EVI5: variants seen among roughly 807,000 people sequenced by gnomAD.
EVI5 encodes the protein ecotropic viral integration site 5 protein homolog.
EVI5 carries 73 observed loss-of-function variants against 112.0 expected under a neutral mutation model. The ratio of observed to expected loss-of-function variants is 0.65; its 90% CI spans 0.54 to 0.79. The LOEUF is 0.79. EVI5 is among the 30% of genes least tolerant of loss of function. The pLI is 0.00. For missense variants in EVI5, 900 were observed against 968.8 expected, an observed-to-expected ratio of 0.93 and a Z score of 0.94; for synonymous variants, 305 against 319.9, an observed-to-expected ratio of 0.95 and a Z score of 0.50.
rs55898086 is a variant in EVI5 at position 92,551,040 on chromosome 1, C to CTTTTTTTTTTTT, written c.2166+12590_2166+12601dup. On this transcript the variant is annotated intron_variant, in intron 19 of 19. Transcript: ENST00000684568. ...TCTTTTTTCTTTTCTTTCTTTCTTT[C>CTTTTTTTTTTTT]TTTTTTTTTTTTTTTTTTTTGAGAC... Among the ~76,000 whole-genome samples the CTTTTTTTTTTTT allele has an allele frequency of 9.9e-4, 80 of 80,708 alleles. 2 individuals are homozygous for CTTTTTTTTTTTT. Among genetic ancestry groups the CTTTTTTTTTTTT allele is most frequent in the East Asian group, 3.7e-3 (8 of 2,164 alleles). 52.9% of individuals were successfully genotyped at this position (80,708 alleles called of 152,430 possible).
intron 2 of EVI5, among the ~76,000 whole-genome samples, chr1:92,718,854 TA>T (rs1385118958): frequency 6.6e-6 from 1 of 151,970 alleles, no homozygotes; most frequent in Non-Finnish European, 1.5e-5. Context: ...AAAAAAATTA[TA>T]AGAGGGATAT....
chr1:92,788,644 A>G (rs1558266295), upstream of EVI5, among the ~76,000 whole-genome samples: 1 of 151,764 alleles, frequency 6.6e-6, no homozygotes, highest in Non-Finnish European at 1.5e-5. Flanking sequence ...AAATACAGAA[A>G]TTAGCTGGGC....
chr1:92,656,093 T>C (rs1572139476), intron 13 of EVI5, among the ~76,000 whole-genome samples: 2 of 152,130 alleles, frequency 1.3e-5, no homozygotes, highest in East Asian at 3.9e-4. Context: ...CCACAGAATA[T>C]ACATTCTTCT....
intron 19 of EVI5, among the ~76,000 whole-genome samples, chr1:92,551,493 A>G (rs1271658437): frequency 2.6e-5 from 4 of 152,200 alleles, no homozygotes; most frequent in African/African-American, 7.2e-5. Flanking sequence ...CTAAAACCAG[A>G]GTAAGTTCAC....
intron 16 of EVI5, among the ~76,000 whole-genome samples, chr1:92,622,521 A>G (rs924571358): frequency 6.6e-6 from 1 of 152,240 alleles, no homozygotes; most frequent in Non-Finnish European, 1.5e-5. Context: ...GACTTTTCTA[A>G]AAGTCCTTAA....
intron 19 of EVI5, among the ~76,000 whole-genome samples, chr1:92,550,015 T>C (rs1051266683): frequency 9.9e-5 from 15 of 152,212 alleles, no homozygotes; most frequent in Non-Finnish European, 2.2e-4. Flanking sequence ...ACCCAAAGGA[T>C]TAAAAATCAT....
At chr1:92,734,431 C>T (rs1178830917) in intron 2 of EVI5, among the ~76,000 whole-genome samples, 1 of 152,030 alleles carries the variant, frequency 6.6e-6, no homozygotes, top group East Asian at 1.9e-4. Context: ...TCTATTGACA[C>T]CCAGAAAATA....
chr1:92,770,977 G>T (rs1195063614), intron 1 of EVI5, among the ~76,000 whole-genome samples: 2 of 151,156 alleles, frequency 1.3e-5, no homozygotes, highest in Non-Finnish European at 3.0e-5. Context: ...CACCACTCCC[G>T]GCTAATTTTT....
At chr1:92,718,977 C>G (rs530861456) in intron 2 of EVI5, among the ~76,000 whole-genome samples, 2 of 152,148 alleles carry the variant, frequency 1.3e-5, no homozygotes, top group African/African-American at 4.8e-5. Flanking sequence ...ACACATACAC[C>G]TTCCCAAGCT....
rs544299366 is a variant in EVI5, at chr1:92,773,155, G to A, written c.-82+11681C>T. 2.6e-3 allele frequency among the ~76,000 whole-genome samples: 381 copies of A among 143,962 alleles called. 1 individual carries two copies. The highest frequency in any genetic ancestry group is 9.6e-3 in the African/African-American group (368 of 38,530). The allele number at this position is 143,962 out of a possible 152,430, so 94.4% of individuals were successfully genotyped here. A position where few individuals can be genotyped will look rare whatever the true frequency, so the allele number is the denominator to read the frequency against. On this transcript the variant is annotated intron_variant, in intron 1 of 19. Coordinates refer to ENST00000684568, the MANE Select transcript of EVI5 (RefSeq NM_001350197.2). Reference sequence around the variant, plus strand: ...CAGGAGGCAGAGGTTGCAGTGAGCCGAGATCGTGCCATTGCACTCCAGCCT... The same window carrying A: ...CAGGAGGCAGAGGTTGCAGTGAGCCAAGATCGTGCCATTGCACTCCAGCCT...
Position 92,513,610 on chromosome 1 carries a change from A to G in EVI5, c.*46T>C, listed in dbSNP as rs754133267. ...ATTTCCAAAAAGCCCTAATCATATGATAACTGATCCCTTAAATAAATCCAT... is the reference window on the plus strand; with the variant it reads ...ATTTCCAAAAAGCCCTAATCATATGGTAACTGATCCCTTAAATAAATCCAT... On this transcript the variant is annotated 3_prime_UTR_variant, in exon 20 of 20. Coordinates refer to ENST00000684568, the MANE Select transcript of EVI5 (RefSeq NM_001350197.2). 1 of 1,272,946 alleles carries G rather than the reference A, an allele frequency of 7.9e-7. No homozygotes were observed. The highest frequency in any genetic ancestry group is 1.1e-6 in the Non-Finnish European group (1 of 936,656). 78.9% of individuals were successfully genotyped at this position (1,272,946 alleles called of 1,614,324 possible).
chr1:92,555,675 C>A (rs532646721), intron 19 of EVI5, among the ~76,000 whole-genome samples: 2 of 152,080 alleles, frequency 1.3e-5, no homozygotes, highest in Non-Finnish European at 2.9e-5. Context: ...CACGGTGAAA[C>A]CCTGTGTCTG....
At chr1:92,654,433 C>T (rs769965344) in intron 13 of EVI5, among the ~76,000 whole-genome samples, 8 of 152,146 alleles carry the variant, frequency 5.3e-5, no homozygotes, top group South Asian at 2.1e-4. Flanking sequence ...AAAACCACCA[C>T]ACAAAGGCTA....
At chr1:92,730,976 C>CA (rs1369932307) in intron 2 of EVI5, among the ~76,000 whole-genome samples, 1 of 152,018 alleles carries the variant, frequency 6.6e-6, no homozygotes, top group African/African-American at 2.4e-5. Context: ...AAAAAACTAC[C>CA]AAAACAATAA....
chr1:92,558,836 C>CT (rs1374398851), intron 19 of EVI5, among the ~76,000 whole-genome samples: 5 of 129,082 alleles, frequency 3.9e-5, no homozygotes, highest in Non-Finnish European at 6.3e-5. Context: ...ACCCCCATCT[C>CT]TAAAAAAAAA....
At chr1:92,783,066 C>G (rs547913573) in intron 1 of EVI5, among the ~76,000 whole-genome samples, 2 of 152,248 alleles carry the variant, frequency 1.3e-5, no homozygotes, top group Non-Finnish European at 2.9e-5. Flanking sequence ...AGTGATCCAC[C>G]TGCCTCTGCC....
At chr1:92,615,042 G>A (rs746514756) in intron 16 of EVI5, among the ~76,000 whole-genome samples, 4 of 151,598 alleles carry the variant, frequency 2.6e-5, no homozygotes, top group Non-Finnish European at 4.4e-5. Flanking sequence ...TGCTTAATAC[G>A]GTAAGACCCA....
chr1:92,537,430 C>A (rs1033468593), intron 19 of EVI5, among the ~76,000 whole-genome samples: 5 of 152,060 alleles, frequency 3.3e-5, no homozygotes, highest in African/African-American at 9.7e-5. Flanking sequence ...ATGGAAAGAT[C>A]TAATAATCAC....
chr1:92,706,550 G>A (rs1022807037), intron 2 of EVI5, among the ~76,000 whole-genome samples: 1 of 152,120 alleles, frequency 6.6e-6, no homozygotes, highest in South Asian at 2.1e-4. Flanking sequence ...ACCTAAGTTC[G>A]AGGTGTAATC....
Sources: allele counts gnomAD v4.1 joint callset (sites outside exome capture counted in the v4.1 genomes callset), GRCh38; gene constraint gnomAD v4.1.1; transcripts MANE v1.5; gene names NCBI Gene and HGNC (gene_info 2026-07-23, HGNC 2026-07-21).